The following TRIM24 variants were observed in gnomAD, a reference collection of about 807,000 sequenced individuals.
TRIM24 encodes the protein tripartite motif containing 24.
In TRIM24, 29 loss-of-function variants were observed where a neutral mutation model predicts 123.9. That is an observed-to-expected ratio of 0.23 (90% CI 0.17 to 0.32). TRIM24 has a LOEUF of 0.32. TRIM24 is among the 10% of genes least tolerant of loss of function. The pLI, the probability that TRIM24 is intolerant of heterozygous loss-of-function variation, is 1.00. For synonymous variants in TRIM24, 456 were observed against 461.1 expected (o/e 0.99, Z 0.14); for missense variants, 932 against 1,295.3 (o/e 0.72, Z 4.31).
intron 1 of TRIM24, among the ~76,000 whole-genome samples, chr7:138,497,656 A>G (rs1445257061): frequency 6.6e-6 from 1 of 151,822 alleles, no homozygotes; most frequent in African/African-American, 2.4e-5. Context: ...CGGTCTCTCA[A>G]AGTGCTAGAA....
chr7:138,584,620 A>C (rs1269361806), intron 18 of TRIM24, 122 bp from the exon 19 acceptor site: 1 of 737,400 alleles, frequency 1.4e-6, no homozygotes, highest in Non-Finnish European at 2.1e-6. Context: ...GACTTTGTCT[A>C]GTCCTAAACT....
chr7:138,553,765 G>C (rs1462295478), intron 8 of TRIM24, among the ~76,000 whole-genome samples: 1 of 152,124 alleles, frequency 6.6e-6, no homozygotes, highest in East Asian at 1.9e-4. Context: ...GTATAGTCTG[G>C]TACTCTTTCA....
intron 18 of TRIM24, 105 bp downstream of exon 18, chr7:138,584,104 T>C (rs1430156035): frequency 7.6e-7 from 1 of 1,310,134 alleles, no homozygotes; most frequent in Non-Finnish European, 1.0e-6. Context: ...TGAGTTAGAA[T>C]AAATTTCCAA....
At position 138,576,244 on chromosome 7, in the gene TRIM24, C is replaced by CTACT. The variant is rs1385982866; in HGVS notation, c.2015-124_2015-121dup. The CTACT allele has an allele frequency of 8.8e-5, 77 of 877,926 alleles. No individual in the cohort carries two copies. In the South Asian group the frequency reaches 1.2e-3, roughly 14 times the overall value. 54.4% of individuals were successfully genotyped at this position (877,926 alleles called of 1,614,324 possible). On this transcript the variant is annotated intron_variant, in intron 12 of 18. Coordinates refer to ENST00000343526, the MANE Select transcript of TRIM24 (RefSeq NM_015905.3). ...TAACAGACTGCTGAAAATTCAGCAA[C>CTACT]TACTTACTGTTTCATAGAATTTCAT...
At chr7:138,486,761 C>T (rs938560206) in intron 1 of TRIM24, among the ~76,000 whole-genome samples, 9 of 152,162 alleles carry the variant, frequency 5.9e-5, no homozygotes, top group Admixed American at 5.9e-4. Context: ...ACTTTGAAGT[C>T]AGGTAGCATG....
At chr7:138,487,552 G>A (rs1200475140) in intron 1 of TRIM24, among the ~76,000 whole-genome samples, 1 of 152,176 alleles carries the variant, frequency 6.6e-6, no homozygotes, top group African/African-American at 2.4e-5. Context: ...TTTTTAGCAT[G>A]AAGGGCTGTT....
At chr7:138,569,649 T>C (rs1297593530) in intron 10 of TRIM24, among the ~76,000 whole-genome samples, 1 of 152,112 alleles carries the variant, frequency 6.6e-6, no homozygotes, top group Non-Finnish European at 1.5e-5. Context: ...GAGGAGTAGG[T>C]GGTAAAGAAG....
chr7:138,574,142 A>G (rs1422043294), intron 12 of TRIM24, among the ~76,000 whole-genome samples: 5 of 152,176 alleles, frequency 3.3e-5, no homozygotes, highest in African/African-American at 1.2e-4. Flanking sequence ...TTGGTGTTAT[A>G]TTCTTTCTTG....
intron 1 of TRIM24, among the ~76,000 whole-genome samples, chr7:138,466,093 T>C (rs1237931329): frequency 6.6e-6 from 1 of 151,972 alleles, no homozygotes; most frequent in Non-Finnish European, 1.5e-5. Flanking sequence ...AACCTCCACC[T>C]CCAGGGTTCA....
rs1279778591 is a variant in TRIM24, at chr7:138,589,584, A to G, written c.*4633A>G. On this transcript the variant is annotated 3_prime_UTR_variant, in exon 19 of 19. Transcript: ENST00000343526. ...TAACACGTGTATTTCACCAGCCTTA[A>G]AAGATTTAAAAAAAAATCTGACAGG... is the stretch of plus-strand genomic sequence containing the variant. The G allele has an allele frequency of 2.6e-5, 4 of 151,608 alleles. No homozygotes were observed. Among genetic ancestry groups the G allele is most frequent in the Non-Finnish European group, 4.4e-5 (3 of 68,034 alleles). The allele number at this position is 151,608 out of a possible 1,614,324, so 9.4% of individuals were successfully genotyped here.
chr7:138,463,157 T>C (rs1409642890), intron 1 of TRIM24, among the ~76,000 whole-genome samples: 2 of 148,860 alleles, frequency 1.3e-5, no homozygotes, highest in African/African-American at 2.5e-5. Context: ...CCCAAAGTGC[T>C]GGGATTACAA....
chr7:138,504,241 A>T, intron 1 of TRIM24, 49 bp from the exon 2 acceptor site: 2 of 1,263,274 alleles, frequency 1.6e-6, no homozygotes, highest in Non-Finnish European at 2.2e-6. Context: ...TTGGTTAAGT[A>T]CTCAGTATAT....
intron 8 of TRIM24, among the ~76,000 whole-genome samples, chr7:138,551,740 A>T (rs1797217148): frequency 6.6e-6 from 1 of 152,142 alleles, no homozygotes; most frequent in Non-Finnish European, 1.5e-5. Context: ...GGTTAACTTG[A>T]CTTGTCATTG....
At chr7:138,573,731 T>G in intron 12 of TRIM24, 89 bp downstream of exon 12, 1 of 1,399,754 alleles carries the variant, frequency 7.1e-7, no homozygotes, top group Non-Finnish European at 9.7e-7. Context: ...TCCTTTTTTG[T>G]TGAATGCTTA....
chr7:138,513,681 C>T (rs143437883), intron 2 of TRIM24, among the ~76,000 whole-genome samples: 1 of 152,270 alleles, frequency 6.6e-6, no homozygotes, highest in East Asian at 1.9e-4. Context: ...CAGCAGGCCC[C>T]ACCTCCAACA....
intron 3 of TRIM24, among the ~76,000 whole-genome samples, chr7:138,516,021 C>T (rs566319092): frequency 6.6e-6 from 1 of 152,108 alleles, no homozygotes; most frequent in Non-Finnish European, 1.5e-5. Context: ...ATTTTCTGGC[C>T]GGGCGCGGTG....
intron 9 of TRIM24, among the ~76,000 whole-genome samples, chr7:138,560,961 C>A (rs1037112932): frequency 2.6e-5 from 4 of 152,176 alleles, no homozygotes; most frequent in Admixed American, 2.0e-4. Flanking sequence ...GCATAACAGC[C>A]ACTTTCTTTG....
At chr7:138,505,467 A>G (rs1796129933) in intron 2 of TRIM24, among the ~76,000 whole-genome samples, 1 of 151,896 alleles carries the variant, frequency 6.6e-6, no homozygotes, top group Non-Finnish European at 1.5e-5. Flanking sequence ...TCTTTTCTGC[A>G]TGGTCTTACT....
intron 9 of TRIM24, chr7:138,556,346 T>C (rs1480574225): frequency 1.3e-5 from 2 of 152,180 alleles, no homozygotes; most frequent in Admixed American, 1.3e-4. Context: ...TGAAAGTTAA[T>C]GAGAGGTAAA....
Sources: allele counts gnomAD v4.1 joint callset (sites outside exome capture counted in the v4.1 genomes callset), GRCh38; gene constraint gnomAD v4.1.1; transcripts MANE v1.5; gene names NCBI Gene and HGNC (gene_info 2026-07-23, HGNC 2026-07-21).